Variants in ITGB3BP observed in about 807,000 individuals in gnomAD.
ITGB3BP encodes centromere protein R.
A neutral mutation model predicts 29.1 loss-of-function variants in ITGB3BP; 27 were observed. That is an observed-to-expected ratio of 0.93 (90% CI 0.68 to 1.28). The LOEUF (loss-of-function observed/expected upper bound fraction) is 1.28, where lower values mean the gene tolerates loss of function less well. ITGB3BP is among the 50% of genes most tolerant of loss of function. The pLI is 0.00. For missense variants in ITGB3BP, 192 were observed against 200.2 expected (o/e 0.96, Z 0.25); for synonymous variants, 61 against 61.4 (o/e 0.99, Z 0.03).
chr1:63,455,898 AT>A (rs62815560), intron 4 of ITGB3BP, among the ~76,000 whole-genome samples: 141,272 of 152,086 alleles, frequency 0.93, 66,562 homozygotes, highest in East Asian at 1. Flanking sequence ...ATGTTTAAGT[AT>A]TTTAAATCAA....
chr1:63,508,476 A>G, intron 2 of ITGB3BP, 52 bp downstream of exon 2: 1 of 828,042 alleles, frequency 1.2e-6, no homozygotes, highest in Non-Finnish European at 1.9e-6. Flanking sequence ...TCAGTAGTTA[A>G]AAACTGAAAA....
chr1:63,449,296 CT>C (rs1247658905), intron 7 of ITGB3BP: 1 of 152,432 alleles, frequency 6.6e-6, no homozygotes, highest in Non-Finnish European at 1.5e-5. Flanking sequence ...TTTGTAATGT[CT>C]GATAGCAAGT....
chr1:63,519,639 T>C (rs1354471791), intron 1 of ITGB3BP, among the ~76,000 whole-genome samples: 1 of 152,140 alleles, frequency 6.6e-6, no homozygotes, highest in East Asian at 1.9e-4. Context: ...TAACTTTGAA[T>C]ATCTACTATA....
At chr1:63,510,820 A>C (rs965251910) in intron 1 of ITGB3BP, among the ~76,000 whole-genome samples, 3 of 152,158 alleles carry the variant, frequency 2.0e-5, no homozygotes, top group African/African-American at 7.2e-5. Context: ...ATGACCATCT[A>C]TTCTTAATAT....
chr1:63,473,568 G>T (rs769337444), intron 4 of ITGB3BP, among the ~76,000 whole-genome samples: 96 of 126,008 alleles, frequency 7.6e-4, no homozygotes, highest in African/African-American at 1.0e-3. Flanking sequence ...TGGGAGGGGG[G>T]AGGGGGGGTC....
intron 4 of ITGB3BP, among the ~76,000 whole-genome samples, chr1:63,462,097 T>A (rs1288241000): frequency 2.0e-5 from 3 of 152,248 alleles, no homozygotes; most frequent in African/African-American, 7.2e-5. Flanking sequence ...ATATTAAATC[T>A]TCTTGCCCAT....
chr1:63,503,467 T>C (rs564026784), intron 2 of ITGB3BP, among the ~76,000 whole-genome samples: 2 of 152,350 alleles, frequency 1.3e-5, no homozygotes, highest in Middle Eastern at 3.4e-3. Flanking sequence ...AGGTTGCCTG[T>C]TCACTCTGAT....
chr1:63,524,596 G>A (rs1646547216), upstream of ITGB3BP, among the ~76,000 whole-genome samples: 1 of 152,168 alleles, frequency 6.6e-6, no homozygotes, highest in Non-Finnish European at 1.5e-5. Flanking sequence ...CAATTTATTA[G>A]GTTGGAGATC....
chr1:63,450,000 T>C (rs1441816815), intron 7 of ITGB3BP, among the ~76,000 whole-genome samples: 1 of 151,938 alleles, frequency 6.6e-6, no homozygotes, highest in African/African-American at 2.4e-5. Flanking sequence ...GAAGAGGCAA[T>C]ATCAAACTAT....
chr1:63,448,230 A>G (rs1282178741), intron 7 of ITGB3BP, among the ~76,000 whole-genome samples: 32 of 148,740 alleles, frequency 2.2e-4, no homozygotes, highest in African/African-American at 4.0e-4. Flanking sequence ...CCTAATGCTA[A>G]ATGACGAGTT....
intron 7 of ITGB3BP, chr1:63,451,867 C>T (rs920746581): frequency 2.6e-5 from 4 of 151,912 alleles, no homozygotes; most frequent in Non-Finnish European, 4.4e-5. Context: ...ACAATGACTA[C>T]GTAGAATAGA....
intron 1 of ITGB3BP, among the ~76,000 whole-genome samples, chr1:63,517,151 T>C (rs1196149167): frequency 6.6e-6 from 1 of 152,078 alleles, no homozygotes; most frequent in Non-Finnish European, 1.5e-5. Flanking sequence ...TAACTTTTTT[T>C]AAAAAAGATC....
At chr1:63,478,575 T>C (rs1436205085) in intron 4 of ITGB3BP, among the ~76,000 whole-genome samples, 189 bp downstream of exon 4, 2 of 152,222 alleles carry the variant, frequency 1.3e-5, no homozygotes. Flanking sequence ...TAAGGCATCA[T>C]ATATAACCAT....
At chr1:63,488,332 G>A (rs561415210) in intron 3 of ITGB3BP, among the ~76,000 whole-genome samples, 1 of 151,916 alleles carries the variant, frequency 6.6e-6, no homozygotes, top group Non-Finnish European at 1.5e-5. Context: ...CAGATGAGGT[G>A]TTTGGGTGTT....
intron 1 of ITGB3BP, among the ~76,000 whole-genome samples, chr1:63,513,672 A>G (rs1290537577): frequency 6.6e-6 from 1 of 152,146 alleles, no homozygotes; most frequent in Non-Finnish European, 1.5e-5. Context: ...TAATATGTAT[A>G]TTTTTAAAAA....
intron 3 of ITGB3BP, among the ~76,000 whole-genome samples, chr1:63,487,474 T>C (rs1451246357): frequency 6.6e-6 from 1 of 152,060 alleles, no homozygotes; most frequent in Non-Finnish European, 1.5e-5. Context: ...TTCTGAGAAA[T>C]GCATCATGAG....
chr1:63,470,955 T>C (rs1182411462), intron 4 of ITGB3BP, among the ~76,000 whole-genome samples: 1 of 152,220 alleles, frequency 6.6e-6, no homozygotes, highest in Non-Finnish European at 1.5e-5. Flanking sequence ...TTTTCAGCAT[T>C]CTAGTGAGGA....
chr1:63,467,941 C>A (rs1321409937), intron 4 of ITGB3BP, among the ~76,000 whole-genome samples: 1 of 152,024 alleles, frequency 6.6e-6, no homozygotes. Flanking sequence ...AAAAAGGGGG[C>A]ACTTATTGGA....
At chr1:63,500,736 C>T (rs545339344) in intron 2 of ITGB3BP, among the ~76,000 whole-genome samples, 1 of 152,076 alleles carries the variant, frequency 6.6e-6, no homozygotes, top group South Asian at 2.1e-4. Flanking sequence ...TGATGTAATC[C>T]TTATCAAAAT....
Sources: gnomAD v4.1 joint callset for allele counts (sites outside exome capture counted in the v4.1 genomes callset) on GRCh38, gnomAD v4.1.1 for gene constraint, MANE v1.5 for transcripts, NCBI Gene and HGNC (gene_info 2026-07-23, HGNC 2026-07-21) for gene names.